GRIP1: variants seen among roughly 807,000 people sequenced by gnomAD.
GRIP1 encodes the protein glutamate receptor-interacting protein 1.
GRIP1 carries 45 observed loss-of-function variants against 129.9 expected under a neutral mutation model. The observed-to-expected ratio is 0.35, with a 90% CI of 0.27 to 0.44. The LOEUF (loss-of-function observed/expected upper bound fraction) is 0.44, where lower values mean the gene tolerates loss of function less well. GRIP1 is among the 20% of genes least tolerant of loss of function. The pLI, the probability that GRIP1 is intolerant of heterozygous loss-of-function variation, is 1.00. For missense variants in GRIP1, 1,196 were observed against 1,396.8 expected, an observed-to-expected ratio of 0.86 and a Z score of 2.29; for synonymous variants, 530 against 520.8, an observed-to-expected ratio of 1.02 and a Z score of -0.24.
At chr12:66,508,803 T>C (rs2060614716) in intron 7 of GRIP1, among the ~76,000 whole-genome samples, 1 of 152,248 alleles carries the variant, frequency 6.6e-6, no homozygotes, top group African/African-American at 2.4e-5. Context: ...CCAGCAAGAA[T>C]TTCATGGTTA....
chr12:67,008,071 T>G (rs1469854818), intron 1 of GRIP1, among the ~76,000 whole-genome samples: 1 of 152,168 alleles, frequency 6.6e-6, no homozygotes, highest in Non-Finnish European at 1.5e-5. Flanking sequence ...AATAAAAGCT[T>G]CTATGACATA....
intron 1 of GRIP1, among the ~76,000 whole-genome samples, chr12:66,901,208 C>A (rs2040838875): frequency 6.6e-6 from 1 of 152,146 alleles, no homozygotes; most frequent in Non-Finnish European, 1.5e-5. Context: ...AAAAACCATC[C>A]ATTAGAGGGG....
intron 1 of GRIP1, among the ~76,000 whole-genome samples, chr12:66,664,376 A>G (rs2033678082): frequency 1.3e-5 from 2 of 152,228 alleles, no homozygotes; most frequent in Non-Finnish European, 2.9e-5. Flanking sequence ...CCACACCATA[A>G]TTATAGTCTC....
Position 66,930,055 on chromosome 12 carries a change from C to CTCTCTCTCT in GRIP1, c.58+138994_58+138995insAGAGAGAGA, listed in dbSNP as rs67075541. 2.4e-3 allele frequency among the ~76,000 whole-genome samples: 305 copies of CTCTCTCTCT among 128,750 alleles called. 1 individual carries two copies. The highest frequency in any genetic ancestry group is 7.9e-3 in the African/African-American group (273 of 34,714). 84.5% of individuals were successfully genotyped at this position (128,750 alleles called of 152,430 possible). A position where few individuals can be genotyped will look rare whatever the true frequency, so the allele number is the denominator to read the frequency against. ...TTACCCAGGTTCTCTCTCTCTCTCT[C>CTCTCTCTCT]TTTTTTTTTTTTTTTACGTCAATGC... On this transcript the variant is annotated intron_variant, in intron 1 of 1. Transcript: ENST00000643019.
At chr12:66,680,822 C>T (rs897304202), upstream of GRIP1, among the ~76,000 whole-genome samples, 2 of 152,130 alleles carry the variant, frequency 1.3e-5, no homozygotes, top group African/African-American at 4.8e-5. Context: ...TGGAACACCA[C>T]CACCCCAGCC....
chr12:67,040,347 T>C (rs1004325399), intron 1 of GRIP1, among the ~76,000 whole-genome samples: 1 of 152,136 alleles, frequency 6.6e-6, no homozygotes, highest in African/African-American at 2.4e-5. Flanking sequence ...ACAAGGTGCA[T>C]ATGTTTTAAG....
chr12:66,995,472 T>C (rs185562460), intron 1 of GRIP1, among the ~76,000 whole-genome samples: 1 of 152,228 alleles, frequency 6.6e-6, no homozygotes, highest in Admixed American at 6.5e-5. Flanking sequence ...ATATCTAGAA[T>C]GTACAAAGAA....
At chr12:67,017,517 G>C (rs1215079177) in intron 1 of GRIP1, among the ~76,000 whole-genome samples, 1 of 151,608 alleles carries the variant, frequency 6.6e-6, no homozygotes, top group Non-Finnish European at 1.5e-5. Flanking sequence ...AAATATGGTA[G>C]ATAATCTACA....
chr12:66,511,508 T>C (rs1453220948), intron 7 of GRIP1, among the ~76,000 whole-genome samples: 8 of 152,326 alleles, frequency 5.3e-5, no homozygotes, highest in Admixed American at 2.0e-4. Context: ...AATTGCTATT[T>C]CTCTGGCTTA....
chr12:66,998,404 C>G (rs2042501286), intron 1 of GRIP1, among the ~76,000 whole-genome samples: 1 of 145,892 alleles, frequency 6.9e-6, no homozygotes, highest in Non-Finnish European at 1.5e-5. Context: ...AAGTATACTA[C>G]CCAGGTACTT....
chr12:66,955,883 T>C (rs1320844610), intron 1 of GRIP1, among the ~76,000 whole-genome samples: 1 of 152,186 alleles, frequency 6.6e-6, no homozygotes. Flanking sequence ...TATTACCTGT[T>C]TTATTCATTG....
At chr12:66,374,416 G>T (rs575339573) in intron 22 of GRIP1, among the ~76,000 whole-genome samples, 1 of 152,052 alleles carries the variant, frequency 6.6e-6, no homozygotes, top group Non-Finnish European at 1.5e-5. Flanking sequence ...TCAAACTCCT[G>T]ACCTCAGGTG....
intron 11 of GRIP1, among the ~76,000 whole-genome samples, chr12:66,450,681 A>G (rs2058767018): frequency 6.6e-6 from 1 of 152,134 alleles, no homozygotes; most frequent in Non-Finnish European, 1.5e-5. Flanking sequence ...ATTAACTCTG[A>G]AAGTCTTCTG....
intron 1 of GRIP1, among the ~76,000 whole-genome samples, chr12:67,060,127 T>C (rs979713110): frequency 2.0e-5 from 3 of 152,214 alleles, no homozygotes; most frequent in Admixed American, 6.5e-5. Context: ...CCACTTTCAG[T>C]GCTAATACTG....
intron 5 of GRIP1, among the ~76,000 whole-genome samples, chr12:66,528,246 T>A (rs1429820150): frequency 6.7e-6 from 1 of 149,348 alleles, no homozygotes; most frequent in East Asian, 2.1e-4. Context: ...ACCATTCTCC[T>A]GCCTCAGCCT....
intron 1 of GRIP1, among the ~76,000 whole-genome samples, chr12:66,788,382 T>A (rs750779922): frequency 1.3e-5 from 2 of 151,884 alleles, no homozygotes; most frequent in Non-Finnish European, 2.9e-5. Flanking sequence ...TTAACATGAA[T>A]AAGGTAGGCA....
rs528008829 is a variant in GRIP1 at position 66,589,468 on chromosome 12, G to A, written c.136+7379C>T. ...ACTACTGACAAAGTGAAGTTTTGTG[G>A]TTGTCAAAGTCATGTCTTCTGAGAA... is the stretch of plus-strand genomic sequence containing the variant. On this transcript the variant is annotated intron_variant, in intron 2 of 24. Coordinates refer to ENST00000359742, the MANE Select transcript of GRIP1 (RefSeq NM_001366722.1). 1.8e-3 allele frequency among the ~76,000 whole-genome samples: 273 copies of A among 152,198 alleles called. 1 individual carries two copies. The highest frequency in any genetic ancestry group is 6.2e-3 in the African/African-American group (258 of 41,514).
intron 2 of GRIP1, among the ~76,000 whole-genome samples, chr12:66,554,284 A>G (rs1213937744): frequency 6.6e-6 from 1 of 152,166 alleles, no homozygotes; most frequent in African/African-American, 2.4e-5. Flanking sequence ...AGATTTCTAG[A>G]CAAAACCTGG....
rs1220251614 is a variant in GRIP1, at chr12:66,500,481, T to G, written c.724+15138A>C. Among the ~76,000 whole-genome samples the G allele has an allele frequency of 3.9e-5, 6 of 152,190 alleles. No homozygotes were observed. In the East Asian group the frequency reaches 1.2e-3, roughly 29 times the overall value. On this transcript the variant is annotated intron_variant, in intron 7 of 24. Transcript: ENST00000359742. Reference sequence around the variant, plus strand: ...GTTAGACTAAAAATTGTGGTCTTTATTTTATAACTAACAGGGAGATGTCTA... The same window carrying G: ...GTTAGACTAAAAATTGTGGTCTTTAGTTTATAACTAACAGGGAGATGTCTA...
Sources: gnomAD v4.1 joint callset for allele counts (sites outside exome capture counted in the v4.1 genomes callset) on GRCh38, gnomAD v4.1.1 for gene constraint, MANE v1.5 for transcripts, NCBI Gene and HGNC (gene_info 2026-07-23, HGNC 2026-07-21) for gene names.